Variants in STARD9 observed in about 807,000 individuals in gnomAD.
The protein encoded by STARD9 is stAR-related lipid transfer protein 9.
In STARD9, 346 loss-of-function variants were observed where a neutral mutation model predicts 399.8. The ratio of observed to expected loss-of-function variants is 0.87; its 90% confidence interval spans 0.79 to 0.95. STARD9 has a LOEUF of 0.95. Among genes scored for constraint, STARD9 ranks in the 40% least tolerant of loss-of-function variants. The pLI is 0.00. For missense variants in STARD9, 5,832 were observed against 5,667.5 expected, an observed-to-expected ratio of 1.03 and a Z score of -0.93; for synonymous variants, 2,203 against 2,143.5, an observed-to-expected ratio of 1.03 and a Z score of -0.77.
Position 42,693,946 on chromosome 15 carries a change from G to A in STARD9, c.12368G>A (p.Cys4123Tyr). The A allele has an allele frequency of 1.3e-6, 2 of 1,504,950 alleles. No individual in the cohort carries two copies. Among genetic ancestry groups the A allele is most frequent in the Non-Finnish European group, 1.8e-6 (2 of 1,129,232 alleles). 93.2% of individuals were successfully genotyped at this position (1,504,950 alleles called of 1,614,324 possible). Residue 4123 changes from cysteine (C) to tyrosine (Y), a missense_variant, in exon 23 of 33, where the codon TGC becomes TAC. This residue lies in a region of STARD9 where 5,828 missense variants were observed against 5,651.1 expected (regional missense o/e 1.03). Coordinates refer to ENST00000290607, the MANE Select transcript of STARD9 (RefSeq NM_020759.3). ...TTACTGTGCTTCAGTTGCCAGATGT[G>A]CATGGCCCCTGAGCACCAGCACCAC... ...EELLCFSCQMCMAPEHQHHSL... is the reference protein window; with the variant it reads ...EELLCFSCQMYMAPEHQHHSL...
chr15:42,653,983 TTAAG>T (rs2059815493), intron 9 of STARD9, among the ~76,000 whole-genome samples: 1 of 151,846 alleles, frequency 6.6e-6, no homozygotes, highest in South Asian at 2.1e-4. Flanking sequence ...TTTACAGGAA[TTAAG>T]TTAGTATTAT....
intron 3 of STARD9, among the ~76,000 whole-genome samples, chr15:42,624,907 C>A (rs1413065470): frequency 6.6e-6 from 1 of 152,090 alleles, no homozygotes; most frequent in Non-Finnish European, 1.5e-5. Context: ...CATTTAGTAG[C>A]AATTTTTCTA....
intron 15 of STARD9, among the ~76,000 whole-genome samples, chr15:42,668,136 C>T (rs1189332862): frequency 6.6e-6 from 1 of 152,010 alleles, no homozygotes; most frequent in African/African-American, 2.4e-5. Flanking sequence ...GAAAGCTGGC[C>T]AGAGGGGCAG....
chr15:42,713,405 T>C (rs919260342), intron 26 of STARD9, among the ~76,000 whole-genome samples: 1 of 152,214 alleles, frequency 6.6e-6, no homozygotes, highest in African/African-American at 2.4e-5. Flanking sequence ...TTGCCAGTTG[T>C]GCTGGCTAGA....
intron 20 of STARD9, 90 bp downstream of exon 20, chr15:42,676,065 A>T: frequency 1.1e-6 from 1 of 884,180 alleles, no homozygotes. Flanking sequence ...GTGGGGGGTG[A>T]TTAATGTAGC....
chr15:42,662,822 G>T lies in STARD9; in HGVS notation c.799G>T (p.Asp267Tyr). ...AAGAGCAGATCCCAGTTACTGTAAG[G>T]ACCGCATTGCTGAAGGAGCCAATAT... ...SERADPSYCKDRIAEGANINK... is the reference protein window; with the variant it reads ...SERADPSYCKYRIAEGANINK... Residue 267 changes from aspartate to tyrosine, a missense_variant, in exon 11 of 33, where the codon GAC becomes TAC. Transcript: ENST00000290607. 6.5e-7 allele frequency: 1 copy of T among 1,537,474 alleles called. No individual in the cohort carries two copies. Among genetic ancestry groups the T allele is most frequent in the South Asian group, 1.2e-5 (1 of 84,038 alleles).
At chr15:42,603,754 T>C (rs752932916) in intron 3 of STARD9, among the ~76,000 whole-genome samples, 3 of 151,980 alleles carry the variant, frequency 2.0e-5, no homozygotes, top group South Asian at 2.1e-4. Flanking sequence ...CTGAGTCAGT[T>C]ATTGGGTGGG....
chr15:42,653,062 C>T (rs1284474977), intron 9 of STARD9, among the ~76,000 whole-genome samples: 1 of 152,110 alleles, frequency 6.6e-6, no homozygotes, highest in Admixed American at 6.5e-5. Context: ...ACACACAATC[C>T]GTTAAGCTAT....
intron 26 of STARD9, among the ~76,000 whole-genome samples, chr15:42,698,356 TGA>T (rs2060889672): frequency 6.6e-6 from 1 of 152,242 alleles, no homozygotes; most frequent in Admixed American, 6.5e-5. Context: ...CAATAATAGC[TGA>T]GAGTTTACCT....
intron 3 of STARD9, among the ~76,000 whole-genome samples, chr15:42,601,069 C>G (rs2058612586): frequency 6.6e-6 from 1 of 151,990 alleles, no homozygotes; most frequent in Admixed American, 6.6e-5. Flanking sequence ...GGTGATGACT[C>G]TTAACGAGTA....
rs1020037937 is a variant in STARD9 at position 42,717,838 on chromosome 15, A to G, written c.13559+43A>G. ...CCTTTGTACAGTGTCTGTCTTGGTA[A>G]GCTTGTCACCCTGCTTGGCTTCTCT... On this transcript the variant is annotated intron_variant, in intron 29 of 32. Transcript: ENST00000290607. 13 of 1,528,060 alleles carry G rather than the reference A, an allele frequency of 8.5e-6. No homozygotes were observed. In the African/African-American group the frequency reaches 1.8e-4, roughly 21 times the overall value. The allele number at this position is 1,528,060 out of a possible 1,614,324, so 94.7% of individuals were successfully genotyped here.
chr15:42,642,076 C>T (rs890683562), intron 7 of STARD9, among the ~76,000 whole-genome samples: 4 of 152,104 alleles, frequency 2.6e-5, no homozygotes, highest in Admixed American at 6.6e-5. Context: ...TATATCTTAT[C>T]TATCTGCCTG....
intron 3 of STARD9, among the ~76,000 whole-genome samples, chr15:42,622,486 G>C (rs560321999): frequency 3.9e-5 from 6 of 152,058 alleles, no homozygotes; most frequent in Admixed American, 3.9e-4. Flanking sequence ...TCCCACCTCC[G>C]ACTCTTGATT....
chr15:42,710,487 C>G (rs59900882), intron 26 of STARD9, among the ~76,000 whole-genome samples: 6,529 of 152,182 alleles, frequency 0.043, 407 homozygotes, highest in African/African-American at 0.14. Flanking sequence ...TCCCTAAATT[C>G]ACCATTCCCC....
Position 42,694,592 on chromosome 15 carries a change from A to C in STARD9, c.12829A>C (p.Thr4277Pro). The change falls in exon 24 of 33, where the codon ACG becomes CCG. Residue 4277 changes from threonine to proline, a missense_variant. Around this residue, in one of 2 missense-constraint regions of STARD9, gnomAD observed 5,828 missense variants for 5,651.1 expected, o/e 1.03. Transcript: ENST00000290607. ...RAERLGNFCR[T>P]RSLSPQKQLS... ...TGAGCGACTTGGGAACTTCTGCCGG[A>C]CGCGAAGCCTTAGCCCTCAGAAACA... is the stretch of plus-strand genomic sequence containing the variant. 6.5e-7 allele frequency: 1 copy of C among 1,537,198 alleles called. No homozygotes were observed. Among genetic ancestry groups the C allele is most frequent in the Non-Finnish European group, 8.7e-7 (1 of 1,146,896 alleles).
At chr15:42,694,375 A>G (rs767877169) in intron 23 of STARD9, 33 bp downstream of exon 23, 184 of 1,535,238 alleles carry the variant, frequency 1.2e-4, no homozygotes, top group Non-Finnish European at 1.5e-4. Flanking sequence ...CGGGAGGGGA[A>G]GGGGTGGGCT....
At position 42,669,355 on chromosome 15, in the gene STARD9, T is replaced by C; in HGVS notation, c.1497+18T>C. 3 of 1,491,816 alleles carry C rather than the reference T, an allele frequency of 2.0e-6. No homozygotes were observed. The highest frequency in any genetic ancestry group is 2.7e-6 in the Non-Finnish European group (3 of 1,112,510). The allele number at this position is 1,491,816 out of a possible 1,614,324, so 92.4% of individuals were successfully genotyped here. ...ATCTCAAGGTGAGGAGGCTAGTGTA[T>C]CCTTTTCTTCCTAAGCCACTGGTTC... On this transcript the variant is annotated intron_variant, in intron 16 of 32. Transcript: ENST00000290607.
In STARD9 at chr15:42,717,049, G is replaced by A. The variant is rs1215631833; in HGVS notation, c.13494+1G>A. 2.0e-6 allele frequency: 3 copies of A among 1,537,186 alleles called. No individual in the cohort carries two copies. The highest frequency in any genetic ancestry group is 2.6e-6 in the Non-Finnish European group (3 of 1,146,880). On this transcript the variant is annotated splice_donor_variant, in intron 28 of 32. Coordinates refer to ENST00000290607, the MANE Select transcript of STARD9 (RefSeq NM_020759.3). LOFTEE classifies it high-confidence loss of function. ...TGTCGTGGACACTTCTATGGCTGAT[G>A]TGAGTAACTGCTCCCACCCATCCCT...
intron 22 of STARD9, among the ~76,000 whole-genome samples, chr15:42,683,440 T>C (rs2060477833): frequency 6.6e-6 from 1 of 152,218 alleles, no homozygotes; most frequent in Non-Finnish European, 1.5e-5. Flanking sequence ...TAGTTCTACA[T>C]TTCTAAGTAT....
Sources: gnomAD v4.1 joint callset for allele counts (sites outside exome capture counted in the v4.1 genomes callset) on GRCh38, gnomAD v4.1.1 for gene constraint, gnomAD v4.1.1 regional missense constraint, MANE v1.5 for transcripts, NCBI Gene and HGNC (gene_info 2026-07-23, HGNC 2026-07-21) for gene names.